Variants in CCSER1 observed in about 807,000 individuals in gnomAD.
CCSER1 encodes the protein coiled-coil serine rich protein 1, also known as serine-rich coiled-coil domain-containing protein 1.
A neutral mutation model predicts 82.0 loss-of-function variants in CCSER1; 41 were observed. The ratio of observed to expected loss-of-function variants is 0.50; its 90% CI spans 0.39 to 0.65. The LOEUF (loss-of-function observed/expected upper bound fraction) is 0.65. Among genes scored for constraint, CCSER1 ranks in the 30% least tolerant of loss-of-function variants. The pLI, the probability that CCSER1 is intolerant of heterozygous loss-of-function variation, is 0.00. For synonymous variants in CCSER1, 414 were observed against 383.9 expected (o/e 1.08, Z -0.92); for missense variants, 1,119 against 1,064.2 (o/e 1.05, Z -0.72).
At chr4:91,207,984 G>C (rs566918544) in intron 10 of CCSER1, among the ~76,000 whole-genome samples, 17 of 152,098 alleles carry the variant, frequency 1.1e-4, no homozygotes, top group Admixed American at 5.2e-4. Flanking sequence ...GATCAGTGAT[G>C]TTGTTTGTAT....
At chr4:91,006,698 A>G (rs1047022310) in intron 9 of CCSER1, among the ~76,000 whole-genome samples, 6 of 151,930 alleles carry the variant, frequency 3.9e-5, no homozygotes, top group South Asian at 4.2e-4. Context: ...TCATCATGTT[A>G]GCCAGGATGG....
chr4:91,177,655 C>G (rs1013257440), intron 10 of CCSER1, among the ~76,000 whole-genome samples: 1 of 152,174 alleles, frequency 6.6e-6, no homozygotes, highest in African/African-American at 2.4e-5. Flanking sequence ...TCTGTCAGAT[C>G]AGTGGTGATA....
chr4:90,814,060 ACCTCAACTCTTAT>A (rs1451297941), intron 7 of CCSER1, among the ~76,000 whole-genome samples: 1 of 152,088 alleles, frequency 6.6e-6, no homozygotes, highest in Non-Finnish European at 1.5e-5. Context: ...AGGTTCCCAA[ACCTCAACTCTTAT>A]CCTCTGTGTG....
chr4:91,463,561 A>G lies in CCSER1; in HGVS notation c.2218-135011A>G, dbSNP rs142529139. On this transcript the variant is annotated intron_variant, in intron 10 of 10. Coordinates refer to ENST00000509176, the MANE Select transcript of CCSER1 (RefSeq NM_001145065.2). ...TCAGACGATCAAACTTCTCTGAGCT[A>G]AAGGAGGAAGTTCGAACCCATCGCA... Among the ~76,000 whole-genome samples, 709 of 152,296 alleles carry G rather than the reference A, an allele frequency of 4.7e-3. 10 individuals carry two copies. The highest frequency in any genetic ancestry group is 0.016 in the African/African-American group (656 of 41,566).
chr4:90,486,378 T>C (rs1767060642), intron 5 of CCSER1, among the ~76,000 whole-genome samples: 1 of 152,244 alleles, frequency 6.6e-6, no homozygotes, highest in South Asian at 2.1e-4. Context: ...CTCAGTCTTC[T>C]ATCAGGACCC....
intron 5 of CCSER1, among the ~76,000 whole-genome samples, chr4:90,574,535 T>C (rs1309654572): frequency 6.6e-6 from 1 of 151,928 alleles, no homozygotes; most frequent in African/African-American, 2.4e-5. Context: ...CCCAAAGTGC[T>C]GGGATTACAG....
intron 3 of CCSER1, among the ~76,000 whole-genome samples, chr4:90,365,987 T>A (rs1176582740): frequency 6.6e-6 from 1 of 151,824 alleles, no homozygotes; most frequent in Non-Finnish European, 1.5e-5. Flanking sequence ...TTTTTCGTAG[T>A]AGCCATAGCC....
At chr4:90,172,326 A>C (rs1230318809) in intron 1 of CCSER1, among the ~76,000 whole-genome samples, 1 of 151,940 alleles carries the variant, frequency 6.6e-6, no homozygotes, top group East Asian at 1.9e-4. Flanking sequence ...TTGAAATAAA[A>C]GAGCAGGAGT....
At chr4:91,565,718 C>CA (rs1293752082) in intron 10 of CCSER1, among the ~76,000 whole-genome samples, 2 of 151,966 alleles carry the variant, frequency 1.3e-5, no homozygotes, top group African/African-American at 4.8e-5. Context: ...ATTGAAGTAT[C>CA]AAAATGCTAG....
intron 4 of CCSER1, among the ~76,000 whole-genome samples, chr4:90,421,779 A>G (rs1382948312): frequency 6.6e-6 from 1 of 152,172 alleles, no homozygotes; most frequent in South Asian, 2.1e-4. Context: ...TTTAACATGA[A>G]GAATTTAATG....
At chr4:90,751,955 A>G (rs918663104) in intron 7 of CCSER1, among the ~76,000 whole-genome samples, 5 of 152,124 alleles carry the variant, frequency 3.3e-5, no homozygotes, top group Non-Finnish European at 5.9e-5. Context: ...AGAATGGACC[A>G]TGTTCCAAAT....
At chr4:90,172,483 G>T (rs1472567376) in intron 1 of CCSER1, among the ~76,000 whole-genome samples, 2 of 151,832 alleles carry the variant, frequency 1.3e-5, no homozygotes, top group Non-Finnish European at 2.9e-5. Flanking sequence ...TACACTGATT[G>T]ATCATGTACT....
At chr4:91,093,047 G>GT (rs1167777527) in intron 10 of CCSER1, among the ~76,000 whole-genome samples, 2 of 152,082 alleles carry the variant, frequency 1.3e-5, no homozygotes, top group African/African-American at 4.8e-5. Flanking sequence ...TACTTGAATG[G>GT]TTAGAAAGGC....
intron 10 of CCSER1, among the ~76,000 whole-genome samples, chr4:91,551,245 A>C (rs2110224110): frequency 1.3e-5 from 2 of 152,220 alleles, no homozygotes; most frequent in South Asian, 2.1e-4. Context: ...TTATTGTGTT[A>C]ATTGCTTAAA....
chr4:90,359,702 A>T (rs898796616), intron 3 of CCSER1, among the ~76,000 whole-genome samples: 21 of 151,886 alleles, frequency 1.4e-4, no homozygotes, highest in South Asian at 4.2e-4. Context: ...TCACCACTGC[A>T]CTCCAGCCTG....
chr4:91,416,349 A>C (rs1307043282), intron 10 of CCSER1, among the ~76,000 whole-genome samples: 1 of 152,144 alleles, frequency 6.6e-6, no homozygotes, highest in African/African-American at 2.4e-5. Flanking sequence ...TAGAAAAAAA[A>C]AACTATTTTA....
At chr4:90,920,204 T>C (rs991422142) in intron 8 of CCSER1, among the ~76,000 whole-genome samples, 1 of 151,800 alleles carries the variant, frequency 6.6e-6, no homozygotes, top group East Asian at 1.9e-4. Flanking sequence ...TCCTTCTGTA[T>C]GGATGCATAC....
intron 1 of CCSER1, among the ~76,000 whole-genome samples, chr4:90,224,198 A>G (rs561021933): frequency 2.6e-5 from 4 of 152,308 alleles, no homozygotes; most frequent in East Asian, 1.9e-4. Context: ...TAGAGCCCCA[A>G]TTCATCAGAA....
intron 8 of CCSER1, among the ~76,000 whole-genome samples, chr4:90,893,333 C>T (rs1723215770): frequency 6.6e-6 from 1 of 152,064 alleles, no homozygotes; most frequent in African/African-American, 2.4e-5. Context: ...AAGCTGTAAT[C>T]TGTAAAGCTT....
Sources: gnomAD v4.1 joint callset for allele counts (sites outside exome capture counted in the v4.1 genomes callset) on GRCh38, gnomAD v4.1.1 for gene constraint, MANE v1.5 for transcripts, NCBI Gene and HGNC (gene_info 2026-07-23, HGNC 2026-07-21) for gene names.